PHACTR1: variants seen among roughly 807,000 people sequenced by gnomAD.
PHACTR1 encodes phosphatase and actin regulator 1.
Under a neutral mutation model 69.2 loss-of-function variants are expected in PHACTR1, and 16 were observed. The ratio of observed to expected loss-of-function variants is 0.23; its 90% CI spans 0.16 to 0.35. The LOEUF is 0.35. PHACTR1 is among the 10% of genes least tolerant of loss of function. PHACTR1 has a pLI of 1.00. For missense variants in PHACTR1, 510 were observed against 734.7 expected, an observed-to-expected ratio of 0.69 and a Z score of 3.54; for synonymous variants, 312 against 284.5, an observed-to-expected ratio of 1.10 and a Z score of -0.97.
At position 13,283,714 on chromosome 6, in the gene PHACTR1, G is replaced by A; in HGVS notation, c.1650+152G>A. On this transcript the variant is annotated intron_variant, in intron 13 of 14. Coordinates refer to ENST00000332995, the MANE Select transcript of PHACTR1 (RefSeq NM_030948.6). This position sits in a 1 kb window ranked among gnomAD's most constrained non-coding sequence, Gnocchi z 4.7. ...TTGAGACCCCAACACCTTTCCCCAG[G>A]GGCCACAGATAATCTGCGGAAAGGC... 2.7e-6 allele frequency: 3 copies of A among 1,121,578 alleles called. No homozygotes were observed. Among genetic ancestry groups the A allele is most frequent in the Non-Finnish European group, 3.9e-6 (3 of 773,452 alleles). 69.5% of individuals were successfully genotyped at this position (1,121,578 alleles called of 1,614,324 possible).
intron 10 of PHACTR1, among the ~76,000 whole-genome samples, chr6:13,261,219 G>A (rs1775866073): frequency 6.6e-6 from 1 of 152,188 alleles, no homozygotes; most frequent in South Asian, 2.1e-4. Flanking sequence ...AGGTGAGAGG[G>A]GTGAGCTGGA....
intron 4 of PHACTR1, among the ~76,000 whole-genome samples, chr6:12,861,962 ATG>A (rs918920673): frequency 1.3e-5 from 2 of 152,116 alleles, no homozygotes; most frequent in East Asian, 1.9e-4. Context: ...GTATTACAAA[ATG>A]TGTGTGTGTG....
intron 13 of PHACTR1, 112 bp from the exon 14 acceptor site, chr6:13,286,034 A>T (rs761242446): frequency 4.4e-5 from 38 of 859,442 alleles, no homozygotes; most frequent in Non-Finnish European, 6.1e-5. Flanking sequence ...ATCCATCTTA[A>T]ACTTGTTTGT....
chr6:12,888,905 C>T (rs1783896247), intron 4 of PHACTR1, among the ~76,000 whole-genome samples: 2 of 152,184 alleles, frequency 1.3e-5, no homozygotes, highest in Admixed American at 6.5e-5. Flanking sequence ...TTGGAATTTT[C>T]TTCTTTGATG....
intron 5 of PHACTR1, among the ~76,000 whole-genome samples, chr6:13,062,721 A>G (rs915557892): frequency 6.6e-6 from 1 of 152,148 alleles, no homozygotes; most frequent in African/African-American, 2.4e-5. Context: ...TACATTTGCA[A>G]TTCTTGGAGT....
intron 4 of PHACTR1, among the ~76,000 whole-genome samples, chr6:12,909,388 A>C (rs1398881172): frequency 1.4e-4 from 22 of 152,238 alleles, no homozygotes; most frequent in Admixed American, 1.4e-3. Context: ...ATTAGGAACT[A>C]TTGTCATAAC....
At chr6:13,228,652 A>G (rs571367610) in intron 9 of PHACTR1, among the ~76,000 whole-genome samples, 2 of 152,354 alleles carry the variant, frequency 1.3e-5, no homozygotes, top group South Asian at 4.1e-4. Context: ...TGAACTTATG[A>G]GAATAGCAAC....
At chr6:13,202,411 G>A (rs2113854403) in intron 7 of PHACTR1, among the ~76,000 whole-genome samples, 1 of 152,082 alleles carries the variant, frequency 6.6e-6, no homozygotes, top group Admixed American at 6.5e-5. Context: ...GAAGGACTAT[G>A]GGTTAAGGGT....
At chr6:12,934,069 G>A (rs1350535161) in intron 4 of PHACTR1, 7 of 1,309,364 alleles carry the variant, frequency 5.3e-6, no homozygotes, top group African/African-American at 4.5e-5. Flanking sequence ...GTGGGGCCAC[G>A]GTCCTTTTGC....
At position 12,861,995 on chromosome 6, in the gene PHACTR1, C is replaced by T. The variant is rs184564861; in HGVS notation, c.250+112205C>T. Among the ~76,000 whole-genome samples the T allele has an allele frequency of 1.5e-3, 222 of 152,088 alleles. 3 individuals carry two copies. Among genetic ancestry groups the T allele is most frequent in the Non-Finnish European group, 3.8e-4 (26 of 68,004 alleles). On this transcript the variant is annotated intron_variant, in intron 4 of 14. Transcript: ENST00000332995. Reference sequence around the variant, plus strand: ...GTGTGTATCATAAAACTATGATTACCATGTGTAAGTTACTATGCCAATAAT... The same window carrying T: ...GTGTGTATCATAAAACTATGATTACTATGTGTAAGTTACTATGCCAATAAT...
intron 6 of PHACTR1, among the ~76,000 whole-genome samples, chr6:13,178,403 T>A (rs1327279324): frequency 6.6e-6 from 1 of 152,244 alleles, no homozygotes; most frequent in Non-Finnish European, 1.5e-5. Context: ...TTGGCTCCTT[T>A]ACTCTTTATC....
chr6:12,996,837 C>A (rs1298628112), intron 4 of PHACTR1, among the ~76,000 whole-genome samples: 1 of 151,916 alleles, frequency 6.6e-6, no homozygotes, highest in African/African-American at 2.4e-5. Flanking sequence ...ATATTTTAAC[C>A]CAAGCCAGCA....
At chr6:13,163,601 A>G (rs1759368446) in intron 6 of PHACTR1, among the ~76,000 whole-genome samples, 1 of 152,222 alleles carries the variant, frequency 6.6e-6, no homozygotes, top group Non-Finnish European at 1.5e-5. Context: ...TGTGTTTTCT[A>G]TGGGATTTTC....
At chr6:12,858,805 CAT>C (rs1351911399) in intron 4 of PHACTR1, among the ~76,000 whole-genome samples, 1 of 88,936 alleles carries the variant, frequency 1.1e-5, no homozygotes, top group South Asian at 6.1e-4. Flanking sequence ...CCAACACATA[CAT>C]ACACACACAC....
At chr6:12,751,445 CCCAA>C (rs367877862) in intron 4 of PHACTR1, among the ~76,000 whole-genome samples, 65 of 152,322 alleles carry the variant, frequency 4.3e-4, no homozygotes, top group African/African-American at 1.5e-3. Context: ...AGATTGTTTT[CCCAA>C]CCAAGTGATA....
chr6:13,183,778 TC>T (rs1762487253), intron 7 of PHACTR1, among the ~76,000 whole-genome samples: 2 of 152,128 alleles, frequency 1.3e-5, no homozygotes, highest in Admixed American at 1.3e-4. Context: ...AATCCAGACT[TC>T]CTTGTGACAC....
intron 4 of PHACTR1, among the ~76,000 whole-genome samples, chr6:12,878,652 A>G (rs1282001503): frequency 6.6e-6 from 1 of 152,206 alleles, no homozygotes; most frequent in Non-Finnish European, 1.5e-5. Context: ...ATGAAGTTGG[A>G]GCTCAGGCTG....
intron 10 of PHACTR1, among the ~76,000 whole-genome samples, chr6:13,254,610 A>C (rs573190024): frequency 6.6e-6 from 1 of 152,208 alleles, no homozygotes; most frequent in Non-Finnish European, 1.5e-5. Flanking sequence ...CCCATCAGTC[A>C]AGGTTCCAGC....
chr6:13,188,023 A>C (rs1032579253), intron 7 of PHACTR1, among the ~76,000 whole-genome samples: 2 of 152,194 alleles, frequency 1.3e-5, no homozygotes, highest in Admixed American at 1.3e-4. Flanking sequence ...CATATGAGAG[A>C]CCGAAGATAT....
Sources: allele counts gnomAD v4.1 joint callset (sites outside exome capture counted in the v4.1 genomes callset), GRCh38; gene constraint gnomAD v4.1.1; non-coding constraint Gnocchi (gnomAD v3.1); transcripts MANE v1.5; gene names NCBI Gene and HGNC (gene_info 2026-07-23, HGNC 2026-07-21).